Variants in FRYL observed in about 807,000 individuals in gnomAD.
FRYL encodes protein furry homolog-like.
Under a neutral mutation model 351.2 loss-of-function variants are expected in FRYL, and 150 were observed. The observed-to-expected ratio is 0.43, with a 90% CI of 0.37 to 0.49. The LOEUF (loss-of-function observed/expected upper bound fraction) is 0.49. FRYL is among the 20% of genes least tolerant of loss of function. FRYL has a pLI of 0.00. For missense variants in FRYL, 3,036 were observed against 3,619.3 expected, an observed-to-expected ratio of 0.84 and a Z score of 4.13; for synonymous variants, 1,153 against 1,257.1, an observed-to-expected ratio of 0.92 and a Z score of 1.75.
intron 3 of FRYL, among the ~76,000 whole-genome samples, chr4:48,652,914 T>C (rs1471631238): frequency 1.3e-5 from 2 of 152,218 alleles, no homozygotes; most frequent in Non-Finnish European, 1.5e-5. Flanking sequence ...AATTTTTCTA[T>C]ACTTCAATTT....
rs376907338 is a variant in FRYL at position 48,606,617 on chromosome 4, C to T, written c.573-11G>A. 3.8e-5 allele frequency: 60 copies of T among 1,571,220 alleles called. No homozygotes were observed. In the African/African-American group the frequency reaches 5.7e-4, roughly 15 times the overall value. On this transcript the variant is annotated splice_polypyrimidine_tract_variant and intron_variant, in intron 9 of 63. Coordinates refer to ENST00000358350, the MANE Select transcript of FRYL (RefSeq NM_015030.2). The stretch of plus-strand genomic sequence containing the variant: ...CTTACAGCCTGAAACCTTTAATATA[C>T]GTGGAGACATCATTTGATTTGAATT...
At chr4:48,632,693 G>A (rs562905787) in intron 4 of FRYL, among the ~76,000 whole-genome samples, 37 of 152,092 alleles carry the variant, frequency 2.4e-4, no homozygotes, top group African/African-American at 8.7e-4. Flanking sequence ...GCACAGTTTT[G>A]AAATATACAT....
At chr4:48,609,180 TC>T in intron 8 of FRYL, 113 bp from the exon 9 acceptor site, 1 of 660,152 alleles carries the variant, frequency 1.5e-6, no homozygotes, top group East Asian at 2.8e-5. Context: ...CTCTGAATAT[TC>T]ATTTATATGA....
At chr4:48,552,928 G>C (rs1733198613) in intron 36 of FRYL, among the ~76,000 whole-genome samples, 1 of 152,118 alleles carries the variant, frequency 6.6e-6, no homozygotes, top group East Asian at 1.9e-4. Flanking sequence ...TAGGAACATA[G>C]TTTCTTCATA....
intron 8 of FRYL, among the ~76,000 whole-genome samples, chr4:48,609,318 G>A (rs1333732373): frequency 1.3e-5 from 2 of 152,072 alleles, no homozygotes; most frequent in Non-Finnish European, 2.9e-5. Context: ...AGCATTTTCT[G>A]TGGATTTAAA....
At chr4:48,759,052 T>A (rs1774132350) in intron 1 of FRYL, among the ~76,000 whole-genome samples, 1 of 151,682 alleles carries the variant, frequency 6.6e-6, no homozygotes, top group Admixed American at 6.6e-5. Flanking sequence ...GGACACACGG[T>A]GGGGAACATC....
intron 18 of FRYL, among the ~76,000 whole-genome samples, chr4:48,588,154 A>G (rs1415168245): frequency 6.6e-6 from 1 of 152,190 alleles, no homozygotes; most frequent in Non-Finnish European, 1.5e-5. Flanking sequence ...AAAGTGTGCA[A>G]TGGTGTTGCC....
intron 18 of FRYL, among the ~76,000 whole-genome samples, chr4:48,589,464 G>A (rs1742817876): frequency 6.6e-6 from 1 of 151,670 alleles, no homozygotes; most frequent in Non-Finnish European, 1.5e-5. Flanking sequence ...ATACATCCGG[G>A]GTACCTAGGA....
At chr4:48,612,194 T>C (rs897362952) in intron 7 of FRYL, among the ~76,000 whole-genome samples, 4 of 152,090 alleles carry the variant, frequency 2.6e-5, no homozygotes, top group African/African-American at 9.7e-5. Context: ...AACTTATCAC[T>C]CTTTGTTAAA....
intron 4 of FRYL, among the ~76,000 whole-genome samples, chr4:48,626,346 A>G (rs1458204906): frequency 6.6e-6 from 1 of 152,136 alleles, no homozygotes; most frequent in Non-Finnish European, 1.5e-5. Context: ...GCTCTGTAAC[A>G]AAAACATTAT....
chr4:48,565,708 A>T lies in FRYL; in HGVS notation c.3170-17T>A. 2 of 1,601,030 alleles carry T rather than the reference A, an allele frequency of 1.2e-6. No homozygotes were observed. Among genetic ancestry groups the T allele is most frequent in the Non-Finnish European group, 1.7e-6 (2 of 1,175,532 alleles). On this transcript the variant is annotated splice_polypyrimidine_tract_variant and intron_variant, in intron 28 of 63. Coordinates refer to ENST00000358350, the MANE Select transcript of FRYL (RefSeq NM_015030.2). ...TCTGGTGCACTGTGAATAAAAAAAG[A>T]TAGAAAACATTTATTTCCATTTCTT...
intron 1 of FRYL, among the ~76,000 whole-genome samples, chr4:48,770,303 T>C (rs1775383742): frequency 6.6e-6 from 1 of 152,176 alleles, no homozygotes; most frequent in Non-Finnish European, 1.5e-5. Context: ...TGATATTCAA[T>C]CACATTTTTC....
At chr4:48,642,120 T>G (rs1358340102) in intron 3 of FRYL, among the ~76,000 whole-genome samples, 2 of 152,218 alleles carry the variant, frequency 1.3e-5, no homozygotes, top group Non-Finnish European at 2.9e-5. Context: ...TCTATTATGC[T>G]CATTAAAAAT....
intron 3 of FRYL, among the ~76,000 whole-genome samples, chr4:48,674,461 G>A (rs1281704797): frequency 1.3e-5 from 2 of 152,066 alleles, no homozygotes; most frequent in African/African-American, 4.8e-5. Flanking sequence ...AGTAGGAATA[G>A]CAAATAAATG....
chr4:48,773,185 G>C (rs1775689671), intron 1 of FRYL, among the ~76,000 whole-genome samples: 2 of 152,126 alleles, frequency 1.3e-5, no homozygotes, highest in South Asian at 2.1e-4. Context: ...ACACTACTTA[G>C]CAAGTAGTCA....
rs763366686 is a variant in FRYL at position 48,557,572 on chromosome 4, C to G, written c.4006G>C (p.Asp1336His). Residue 1336 changes from aspartate to histidine, a missense_variant, in exon 34 of 64, where the codon GAT (aspartate) becomes CAT (histidine). Around this residue, in one of 7 missense-constraint regions of FRYL, gnomAD observed 1,987 missense variants for 2,311.7 expected, o/e 0.86. Transcript: ENST00000358350. Reference sequence around the variant, plus strand: ...ATAAGTTCTCGGTCTTTTAAGGAATCATCTTCATCTTCATCATGTCGCCTT... The same window carrying G: ...ATAAGTTCTCGGTCTTTTAAGGAATGATCTTCATCTTCATCATGTCGCCTT... ...TARRHDEDED[D>H]SLKDRELMVT... 3.7e-6 allele frequency: 6 copies of G among 1,614,010 alleles called. No homozygotes were observed. The African/African-American group carries it at 8.0e-5, about 22-fold the overall frequency.
intron 2 of FRYL, among the ~76,000 whole-genome samples, chr4:48,688,103 A>G (rs1441951825): frequency 6.6e-6 from 1 of 152,234 alleles, no homozygotes; most frequent in Non-Finnish European, 1.5e-5. Flanking sequence ...CTTGAATACT[A>G]GAGGGTGTGG....
rs73814796 is a variant in FRYL at position 48,564,804 on chromosome 4, T to C, written c.3441+129A>G. 545 of 532,074 alleles carry C rather than the reference T, an allele frequency of 1.0e-3. 1 individual carries two copies. Among genetic ancestry groups the C allele is most frequent in the African/African-American group, 9.8e-3 (502 of 51,060 alleles). 33.0% of individuals were successfully genotyped at this position (532,074 alleles called of 1,614,324 possible). A position where few individuals can be genotyped will look rare whatever the true frequency, so the allele number is the denominator to read the frequency against. On this transcript the variant is annotated intron_variant, in intron 30 of 63. Coordinates refer to ENST00000358350, the MANE Select transcript of FRYL (RefSeq NM_015030.2). ...TGGGATCCTATTTAACTTTATATAATATGCTTTTTGCATATGATCCTAACC... is the reference window on the plus strand; with the variant it reads ...TGGGATCCTATTTAACTTTATATAACATGCTTTTTGCATATGATCCTAACC...
At chr4:48,578,562 A>C (rs1391228888) in intron 23 of FRYL, among the ~76,000 whole-genome samples, 1 of 152,202 alleles carries the variant, frequency 6.6e-6, no homozygotes, top group African/African-American at 2.4e-5. Context: ...CCCCACCAGA[A>C]GGTGGCCTTC....
Sources: gnomAD v4.1 joint callset for allele counts (sites outside exome capture counted in the v4.1 genomes callset) on GRCh38, gnomAD v4.1.1 for gene constraint, gnomAD v4.1.1 regional missense constraint, MANE v1.5 for transcripts, NCBI Gene and HGNC (gene_info 2026-07-23, HGNC 2026-07-21) for gene names.